The following KSR1 variants were observed in gnomAD, a reference collection of about 807,000 sequenced individuals.
The protein encoded by KSR1 is kinase suppressor of ras 1, also known as kinase suppressor of ras.
Under a neutral mutation model 92.9 loss-of-function variants are expected in KSR1, and 35 were observed. That is an observed-to-expected ratio of 0.38 (90% CI 0.29 to 0.50). KSR1 has a LOEUF of 0.50. Ranked by LOEUF, KSR1 falls within the 20% of genes least tolerant of loss-of-function variation. KSR1 has a pLI of 0.94. For synonymous variants in KSR1, 467 were observed against 472.6 expected, an observed-to-expected ratio of 0.99 and a Z score of 0.15; for missense variants, 972 against 1,158.5, an observed-to-expected ratio of 0.84 and a Z score of 2.34.
intron 12 of KSR1, among the ~76,000 whole-genome samples, chr17:27,604,340 A>G (rs556756546): frequency 6.6e-6 from 1 of 152,294 alleles, no homozygotes; most frequent in East Asian, 1.9e-4. Flanking sequence ...GAAGCGATAG[A>G]GCTGGTTTTC....
chr17:27,544,419 T>G (rs777172490), intron 1 of KSR1, among the ~76,000 whole-genome samples: 4 of 152,220 alleles, frequency 2.6e-5, no homozygotes, highest in Admixed American at 6.5e-5. Context: ...AGATCTTTGA[T>G]TTTAGATGTT....
At chr17:27,550,919 C>T (rs1417451830) in intron 2 of KSR1, among the ~76,000 whole-genome samples, 1 of 152,198 alleles carries the variant, frequency 6.6e-6, no homozygotes, top group Non-Finnish European at 1.5e-5. Flanking sequence ...GCCTGATGAA[C>T]TAGGGCAGCC....
At position 27,597,401 on chromosome 17, in the gene KSR1, CA is replaced by C. The variant is rs1486180243; in HGVS notation, c.1434del (p.Pro479LeufsTer113). 6.2e-7 allele frequency: 1 copy of C among 1,612,360 alleles called. No individual in the cohort carries two copies. Among genetic ancestry groups the C allele is most frequent in the Non-Finnish European group, 8.5e-7 (1 of 1,178,922 alleles). On this transcript the variant is annotated frameshift_variant, in exon 10 of 21. Coordinates refer to ENST00000644974, the MANE Select transcript of KSR1 (RefSeq NM_001394583.1). LOFTEE classifies it high-confidence loss of function. ...AGCGCCACCACGCCCCCCAACCCCT[CA>C]CCTGGCCAGCGGGACAGCAGGTTCA... ...PSSATTPPNP[S>X]PGQRDSRFNF...
intron 1 of KSR1, among the ~76,000 whole-genome samples, chr17:27,473,943 A>T (rs1176256865): frequency 6.6e-6 from 1 of 152,164 alleles, no homozygotes; most frequent in Non-Finnish European, 1.5e-5. Context: ...TTTAGGAAGT[A>T]GTTAAAAAAA....
At chr17:27,499,054 G>A (rs2069088687) in intron 1 of KSR1, among the ~76,000 whole-genome samples, 1 of 152,180 alleles carries the variant, frequency 6.6e-6, no homozygotes. Flanking sequence ...TTTAGAGCAG[G>A]GCCAGGAGGG....
intron 8 of KSR1, 40 bp downstream of exon 8, chr17:27,592,462 G>A (rs1207899996): frequency 1.2e-6 from 2 of 1,612,996 alleles, no homozygotes; most frequent in South Asian, 2.2e-5. Context: ...TTCTGGATTT[G>A]GGTGAATCTT....
chr17:27,599,746 A>T (rs1443333910), intron 10 of KSR1, among the ~76,000 whole-genome samples: 1 of 152,068 alleles, frequency 6.6e-6, no homozygotes, highest in Non-Finnish European at 1.5e-5. Context: ...ATCTTTAAAC[A>T]TTTTTTTTAA....
chr17:27,526,530 C>T (rs559662664), intron 1 of KSR1: 67 of 1,604,072 alleles, frequency 4.2e-5, no homozygotes, highest in African/African-American at 1.9e-4. Context: ...CTCACACTCT[C>T]GCTCTGTCTG....
In KSR1 at chr17:27,597,651, G is replaced by T. The variant is rs550849715; in HGVS notation, c.1468+215G>T. On this transcript the variant is annotated intron_variant, in intron 10 of 20. Coordinates refer to ENST00000644974, the MANE Select transcript of KSR1 (RefSeq NM_001394583.1). The stretch of plus-strand genomic sequence containing the variant: ...GAGGTTCAGAGAGAGGGAGGGGCTT[G>T]CCATGAGTTGTACAGCCTGTAAGTG... Among the ~76,000 whole-genome samples, 6 of 152,340 alleles carry T rather than the reference G, an allele frequency of 3.9e-5. No homozygotes were observed. In the East Asian group the frequency reaches 7.7e-4, roughly 20 times the overall value.
intron 1 of KSR1, among the ~76,000 whole-genome samples, chr17:27,466,809 A>C (rs2150911354): frequency 6.6e-6 from 1 of 152,278 alleles, no homozygotes; most frequent in African/African-American, 2.4e-5. Flanking sequence ...GGCTGGGGCC[A>C]CTCTAGGTGC....
At chr17:27,621,876 T>A in intron 20 of KSR1, 2 of 1,600,860 alleles carry the variant, frequency 1.2e-6, no homozygotes, top group Non-Finnish European at 8.6e-7. Context: ...AGGCTCTGCA[T>A]TGGGGCTATG....
intron 2 of KSR1, among the ~76,000 whole-genome samples, chr17:27,572,652 A>G (rs1457453751): frequency 6.6e-6 from 1 of 152,196 alleles, no homozygotes; most frequent in Non-Finnish European, 1.5e-5. Flanking sequence ...CTGCGAGTTC[A>G]CCTTCAGCAG....
chr17:27,551,845 C>T (rs1263931702), intron 2 of KSR1, among the ~76,000 whole-genome samples: 1 of 152,206 alleles, frequency 6.6e-6, no homozygotes, highest in African/African-American at 2.4e-5. Context: ...TGGCACCTCG[C>T]CCCTTGCATT....
chr17:27,597,422 G>A lies in KSR1; in HGVS notation c.1454G>A (p.Arg485Lys), dbSNP rs2073385437. Residue 485 changes from arginine (R) to lysine (K), a missense_variant, in exon 10 of 21, where the codon AGG becomes AAG. By Grantham distance (26) the Arg-to-Lys change is conservative. This residue lies in a region of KSR1 where 611 missense variants were observed against 668.0 expected (regional missense o/e 0.91). Transcript: ENST00000644974. ...CCCTCACCTGGCCAGCGGGACAGCAGGTTCAACTTCCCAGGTACCACATCT... is the reference window on the plus strand; with the variant it reads ...CCCTCACCTGGCCAGCGGGACAGCAAGTTCAACTTCCCAGGTACCACATCT... The part of the protein sequence containing the change: ...PNPSPGQRDS[R>K]FNFPAAYFIH... 1 of 1,606,550 alleles carries A rather than the reference G, an allele frequency of 6.2e-7. No homozygotes were observed. The highest frequency in any genetic ancestry group is 1.3e-5 in the African/African-American group (1 of 74,808).
chr17:27,568,294 G>A (rs986082754), intron 2 of KSR1, among the ~76,000 whole-genome samples: 2 of 152,190 alleles, frequency 1.3e-5, no homozygotes, highest in African/African-American at 4.8e-5. Context: ...TCTCCCATCT[G>A]AATGGACAGA....
At chr17:27,461,160 C>T (rs1375072390) in intron 1 of KSR1, among the ~76,000 whole-genome samples, 1 of 152,218 alleles carries the variant, frequency 6.6e-6, no homozygotes, top group East Asian at 1.9e-4. Context: ...CGGATCACTG[C>T]AATCTCAGCC....
At chr17:27,614,706 T>C (rs2151258531) in intron 18 of KSR1, among the ~76,000 whole-genome samples, 1 of 152,354 alleles carries the variant, frequency 6.6e-6, no homozygotes, top group East Asian at 1.9e-4. Context: ...CAGCCAGAGT[T>C]CTGAACTAAT....
At chr17:27,550,923 G>A (rs1305481001) in intron 2 of KSR1, among the ~76,000 whole-genome samples, 1 of 152,172 alleles carries the variant, frequency 6.6e-6, no homozygotes, top group Non-Finnish European at 1.5e-5. Context: ...GATGAACTAG[G>A]GCAGCCCCAC....
chr17:27,581,405 C>G (rs1022193966), intron 3 of KSR1, among the ~76,000 whole-genome samples: 1 of 152,148 alleles, frequency 6.6e-6, no homozygotes, highest in African/African-American at 2.4e-5. Flanking sequence ...CTGACCCCCC[C>G]AGCTTCATCC....
Sources: gnomAD v4.1 joint callset for allele counts (sites outside exome capture counted in the v4.1 genomes callset) on GRCh38, gnomAD v4.1.1 for gene constraint, gnomAD v4.1.1 regional missense constraint, MANE v1.5 for transcripts, NCBI Gene and HGNC (gene_info 2026-07-23, HGNC 2026-07-21) for gene names.